The following PLAC1 variants were observed in gnomAD, a reference collection of about 807,000 sequenced individuals.
PLAC1 encodes the protein placenta-specific protein 1.
For missense variants in PLAC1, 136 were observed against 163.2 expected, an observed-to-expected ratio of 0.83 and a Z score of 0.91; for synonymous variants, 68 against 62.1, an observed-to-expected ratio of 1.09 and a Z score of -0.44.
At chrX:134,629,192 TA>T (rs1410358499) in intron 1 of PLAC1, among the ~76,000 whole-genome samples, 1 of 112,208 alleles carries the variant, frequency 8.9e-6, no homozygotes, top group Non-Finnish European at 1.9e-5. Flanking sequence ...TCTATCTCAG[TA>T]ATTCTCATCC....
chrX:134,686,565 C>T (rs2078517767), intron 2 of PLAC1, among the ~76,000 whole-genome samples: 1 of 111,931 alleles, frequency 8.9e-6, no homozygotes, highest in Non-Finnish European at 1.9e-5. Context: ...AAACCCAGTC[C>T]TGCTTAGGGT....
intron 1 of PLAC1, among the ~76,000 whole-genome samples, chrX:134,652,638 G>A (rs1366558583): frequency 8.9e-6 from 1 of 112,047 alleles, no homozygotes; most frequent in African/African-American, 3.2e-5. Context: ...GCAGAGCAGT[G>A]CTGGCCAAGT....
chrX:134,736,545 G>C (rs1190219678), intron 1 of PLAC1, among the ~76,000 whole-genome samples: 1 of 111,072 alleles, frequency 9.0e-6, no homozygotes, highest in Non-Finnish European at 1.9e-5. Flanking sequence ...AGGGTTGGCT[G>C]GGCCCCTGAC....
chrX:134,652,241 G>A (rs996163866), intron 1 of PLAC1, among the ~76,000 whole-genome samples: 4 of 112,212 alleles, frequency 3.6e-5, no homozygotes, highest in African/African-American at 9.7e-5. Flanking sequence ...AAACACCCAC[G>A]TTGGCAAGTC....
chrX:134,676,348 G>A (rs1339014668), intron 2 of PLAC1, among the ~76,000 whole-genome samples: 3 of 111,027 alleles, frequency 2.7e-5, no homozygotes, highest in Middle Eastern at 4.2e-3. Context: ...AAGCTCCGCC[G>A]CACATACTGC....
intron 2 of PLAC1, among the ~76,000 whole-genome samples, chrX:134,584,952 G>A (rs367635756): frequency 2.7e-5 from 3 of 110,712 alleles, no homozygotes; most frequent in Non-Finnish European, 3.8e-5. Context: ...CAGGCAGAAC[G>A]TCTTTCTCCC....
chrX:134,633,899 G>T (rs1184142921), intron 1 of PLAC1, among the ~76,000 whole-genome samples: 2 of 111,681 alleles, frequency 1.8e-5, no homozygotes, highest in East Asian at 5.6e-4. Flanking sequence ...GCTGATTTGG[G>T]CAAGGCAGGG....
At chrX:134,714,683 A>G (rs991458104) in intron 2 of PLAC1, among the ~76,000 whole-genome samples, 1 of 110,027 alleles carries the variant, frequency 9.1e-6, no homozygotes, top group Non-Finnish European at 1.9e-5. Context: ...CCCCCATTCT[A>G]CTGTCTGTTT....
At chrX:134,738,315 C>A (rs1481492119) in intron 1 of PLAC1, among the ~76,000 whole-genome samples, 1 of 112,185 alleles carries the variant, frequency 8.9e-6, no homozygotes, top group East Asian at 2.8e-4. Context: ...TCCCAGCGCA[C>A]AGTATTCAAT....
chrX:134,585,060 G>A (rs762156168), intron 2 of PLAC1, among the ~76,000 whole-genome samples: 2 of 109,216 alleles, frequency 1.8e-5, no homozygotes, highest in South Asian at 4.0e-4. Flanking sequence ...GGCCGGGCGC[G>A]GTGGCTCACG....
At chrX:134,611,518 CAT>C (rs1556071189) in intron 1 of PLAC1, among the ~76,000 whole-genome samples, 2 of 102,371 alleles carry the variant, frequency 2.0e-5, no homozygotes, top group Non-Finnish European at 3.9e-5. Context: ...CACACACACA[CAT>C]ACATATACAT....
At chrX:134,585,283 G>T (rs1272189085) in intron 2 of PLAC1, among the ~76,000 whole-genome samples, 1 of 109,589 alleles carries the variant, frequency 9.1e-6, no homozygotes, top group Non-Finnish European at 1.9e-5. Flanking sequence ...GGAGGTGGAG[G>T]TTGCAGTGAG....
At chrX:134,692,082 T>C (rs1319692858) in intron 2 of PLAC1, among the ~76,000 whole-genome samples, 1 of 111,970 alleles carries the variant, frequency 8.9e-6, no homozygotes. Flanking sequence ...GTTATTTCAT[T>C]TGATGAGCAT....
chrX:134,626,120 C>T (rs1254869302), intron 1 of PLAC1, among the ~76,000 whole-genome samples: 1 of 111,825 alleles, frequency 8.9e-6, no homozygotes, highest in Non-Finnish European at 1.9e-5. Flanking sequence ...CTTTCACACA[C>T]GTTCCCTTCA....
At chrX:134,707,205 C>T (rs941299816) in intron 2 of PLAC1, among the ~76,000 whole-genome samples, 6 of 112,409 alleles carry the variant, frequency 5.3e-5, no homozygotes, top group African/African-American at 3.2e-5. Flanking sequence ...GAACTGCCAG[C>T]ACAGAATTCT....
intron 1 of PLAC1, among the ~76,000 whole-genome samples, chrX:134,655,278 A>G (rs1216709284): frequency 4.6e-5 from 5 of 109,784 alleles, no homozygotes; most frequent in African/African-American, 1.7e-4. Flanking sequence ...AGATTCCACA[A>G]TTAACATTTC....
chrX:134,677,732 C>T lies in PLAC1; in HGVS notation n.174+55703G>A, dbSNP rs187275964. On this transcript the variant is annotated intron_variant and non_coding_transcript_variant, in intron 2 of 2. Transcript: ENST00000466797. The stretch of plus-strand genomic sequence containing the variant: ...TTTTAAGTGCACTGGAAAACCATCG[C>T]AGGTTTTAAGCCCGGGGGGTGACAT... Among the ~76,000 whole-genome samples, 10 of 111,629 alleles carry T rather than the reference C, an allele frequency of 9.0e-5. No individual in the cohort carries two copies. In the East Asian group the frequency reaches 2.5e-3, roughly 28 times the overall value.
At chrX:134,571,776 T>G (rs978414968) in intron 2 of PLAC1, among the ~76,000 whole-genome samples, 1 of 111,164 alleles carries the variant, frequency 9.0e-6, no homozygotes, top group Non-Finnish European at 1.9e-5. Context: ...TGCCTCCCCA[T>G]CTCCTCTGAT....
chrX:134,726,796 C>T (rs185262582), intron 2 of PLAC1, among the ~76,000 whole-genome samples: 1 of 82,681 alleles, frequency 1.2e-5, no homozygotes, highest in East Asian at 3.9e-4. Flanking sequence ...GCATTCCAGC[C>T]TTGCGACAGA....
Sources: gnomAD v4.1 joint callset for allele counts (sites outside exome capture counted in the v4.1 genomes callset) on GRCh38, gnomAD v4.1.1 for gene constraint, MANE v1.5 for transcripts, NCBI Gene and HGNC (gene_info 2026-07-23, HGNC 2026-07-21) for gene names.